The following SLC36A3 variants were observed in gnomAD, a reference collection of about 807,000 sequenced individuals.
The protein encoded by SLC36A3 is proton-coupled amino acid transporter 3.
In SLC36A3, 35 loss-of-function variants were observed where a neutral mutation model predicts 44.3. That is an observed-to-expected ratio of 0.79 (90% CI 0.60 to 1.05). The LOEUF is 1.05. SLC36A3 is among the 50% of genes least tolerant of loss of function. The probability of loss-of-function intolerance (pLI) is 0.00; values close to 1 mark genes in which losing one functional copy is unlikely to be tolerated. For missense variants in SLC36A3, 540 were observed against 578.7 expected (o/e 0.93, Z 0.69); for synonymous variants, 211 against 227.6 (o/e 0.93, Z 0.66).
chr5:151,286,403 C>T (rs192463435), intron 6 of SLC36A3, among the ~76,000 whole-genome samples: 1 of 152,282 alleles, frequency 6.6e-6, no homozygotes, highest in African/African-American at 2.4e-5. Context: ...GGTGATCCAT[C>T]CACCTCAGCT....
intron 1 of SLC36A3, among the ~76,000 whole-genome samples, chr5:151,301,250 C>G (rs1378744431): frequency 2.6e-5 from 4 of 152,096 alleles, no homozygotes; most frequent in African/African-American, 9.7e-5. Flanking sequence ...CCCTTTTTGC[C>G]TGGGGACCAT....
Position 151,277,224 on chromosome 5 carries a change from G to T in SLC36A3, c.*169C>A. ...AAAATATAAAACCAAAAGAGGTGTAGCCTGAGAGACATCAGTGCTAACTTT... is the reference window on the plus strand; with the variant it reads ...AAAATATAAAACCAAAAGAGGTGTATCCTGAGAGACATCAGTGCTAACTTT... On this transcript the variant is annotated 3_prime_UTR_variant, in exon 10 of 10. Transcript: ENST00000335230. The T allele has an allele frequency of 1.1e-6, 1 of 911,270 alleles. No individual in the cohort carries two copies. The highest frequency in any genetic ancestry group is 1.6e-6 in the Non-Finnish European group (1 of 615,944). 56.4% of individuals were successfully genotyped at this position (911,270 alleles called of 1,614,324 possible).
In SLC36A3 at chr5:151,281,070, T is replaced by C. The variant is rs927085229; in HGVS notation, c.1088A>G (p.Glu363Gly). The stretch of plus-strand genomic sequence containing the variant: ...CAGGTCTACAAACAGTGCCCAGCTC[T>C]CTGACACTTGGGAGATGGCAAACGG... The part of the protein sequence containing the change: ...IIPFAISQVS[E>G]SWALFVDLSV... The change falls in exon 9 of 10, where the codon GAG (glutamate) becomes GGG (glycine). Residue 363 changes from glutamate (E) to glycine (G), a missense_variant. Physicochemically the swap from Glu to Gly is moderately conservative, Grantham distance 98. Transcript: ENST00000335230. 1 of 1,614,166 alleles carries C rather than the reference T, an allele frequency of 6.2e-7. No homozygotes were observed. The highest frequency in any genetic ancestry group is 1.3e-5 in the African/African-American group (1 of 75,046).
At chr5:151,293,524 A>T (rs1754839885) in intron 3 of SLC36A3, 65 bp from the exon 4 acceptor site, 3 of 1,313,472 alleles carry the variant, frequency 2.3e-6, no homozygotes, top group East Asian at 2.5e-5. Context: ...GTTTTCTCCC[A>T]AAGTGAGTGA....
At position 151,284,593 on chromosome 5, in the gene SLC36A3, G is replaced by T. The variant is rs376221705; in HGVS notation, c.807+20C>A. 5 of 1,586,890 alleles carry T rather than the reference G, an allele frequency of 3.2e-6. No homozygotes were observed. The highest frequency in any genetic ancestry group is 1.7e-4 in the Middle Eastern group (1 of 5,960). On this transcript the variant is annotated intron_variant, in intron 7 of 9. Coordinates refer to ENST00000335230, the MANE Select transcript of SLC36A3 (RefSeq NM_181774.4). ...GTAGAGGGCGCTAGGGACCATTCGCGTGAACCCCATCAATCTTACCATACC... is the reference window on the plus strand; with the variant it reads ...GTAGAGGGCGCTAGGGACCATTCGCTTGAACCCCATCAATCTTACCATACC...
chr5:151,290,878 A>AAATAAT (rs34311183), intron 4 of SLC36A3, among the ~76,000 whole-genome samples: 53 of 151,002 alleles, frequency 3.5e-4, no homozygotes, highest in Middle Eastern at 3.4e-3. Context: ...CTCTGTCTCA[A>AAATAAT]AATAATAATA....
At position 151,303,541 on chromosome 5, in the gene SLC36A3, T is replaced by A. The variant is rs1755237401; in HGVS notation, c.-187A>T. 1 of 540,772 alleles carries A rather than the reference T, an allele frequency of 1.8e-6. No homozygotes were observed. The highest frequency in any genetic ancestry group is 1.9e-5 in the African/African-American group (1 of 52,854). 33.5% of individuals were successfully genotyped at this position (540,772 alleles called of 1,614,324 possible). A position where few individuals can be genotyped will look rare whatever the true frequency, so the allele number is the denominator to read the frequency against. ...AAGCGGTGGTGGCAGGAGAGGCTGA[T>A]GTTGATGATGCCTCACCTGGCTCTT... On this transcript the variant is annotated 5_prime_UTR_variant, in exon 1 of 10. Coordinates refer to ENST00000335230, the MANE Select transcript of SLC36A3 (RefSeq NM_181774.4).
At chr5:151,282,891 T>TTC (rs1561629092) in intron 8 of SLC36A3, among the ~76,000 whole-genome samples, 28 of 116,610 alleles carry the variant, frequency 2.4e-4, no homozygotes, top group African/African-American at 9.1e-4. Flanking sequence ...TCTTTCTTTT[T>TTC]TTTTTTTTTT....
rs768180844 is a variant in SLC36A3, at chr5:151,276,479, CAATT to C, written c.*910_*913del. 1.3e-5 allele frequency among the ~76,000 whole-genome samples: 2 copies of C among 152,200 alleles called. No individual in the cohort carries two copies. Among genetic ancestry groups the C allele is most frequent in the Non-Finnish European group, 2.9e-5 (2 of 68,024 alleles). ...AATATTCCATTGTATGGCTACATCA[CAATT>C]TATTTATCCATTCTCTTGTTTATAG... On this transcript the variant is annotated 3_prime_UTR_variant, in exon 10 of 10. Transcript: ENST00000335230.
chr5:151,297,953 T>A (rs1002141996), intron 2 of SLC36A3: 1 of 152,210 alleles, frequency 6.6e-6, no homozygotes, highest in African/African-American at 2.4e-5. Flanking sequence ...AGAGCGAGAC[T>A]CTGTCTCAAT....
At chr5:151,291,730 G>A (rs997070101) in intron 4 of SLC36A3, among the ~76,000 whole-genome samples, 1 of 152,078 alleles carries the variant, frequency 6.6e-6, no homozygotes, top group African/African-American at 2.4e-5. Flanking sequence ...AATATGAGAT[G>A]CTAAGATGAG....
At chr5:151,298,253 A>G (rs1014984718) in intron 2 of SLC36A3, 15 of 202,864 alleles carry the variant, frequency 7.4e-5, no homozygotes, top group Middle Eastern at 1.8e-3. Context: ...GTGGTTTGGA[A>G]CAGGAGTCAC....
intron 7 of SLC36A3, 34 bp downstream of exon 7, chr5:151,284,579 T>C: frequency 1.9e-6 from 3 of 1,544,860 alleles, no homozygotes; most frequent in Non-Finnish European, 2.7e-6. Flanking sequence ...TAGAGGGCGC[T>C]AGGGACCATT....
At chr5:151,291,013 C>T (rs1227922195) in intron 4 of SLC36A3, among the ~76,000 whole-genome samples, 22 of 150,282 alleles carry the variant, frequency 1.5e-4, no homozygotes, top group Admixed American at 1.1e-3. Flanking sequence ...GACAGATTCT[C>T]GCTCTGTTTC....
chr5:151,297,418 G>A (rs764922617), intron 2 of SLC36A3: 3 of 152,222 alleles, frequency 2.0e-5, no homozygotes, highest in African/African-American at 7.2e-5. Context: ...AAGATCAGAA[G>A]TCATGACAGA....
chr5:151,292,993 C>A (rs1019705074), intron 4 of SLC36A3, among the ~76,000 whole-genome samples: 27 of 151,866 alleles, frequency 1.8e-4, no homozygotes, highest in African/African-American at 3.9e-4. Flanking sequence ...CCTCCCCCCC[C>A]AAAAATGAGG....
intron 4 of SLC36A3, chr5:151,288,996 G>C (rs1483400642): frequency 6.5e-6 from 1 of 152,800 alleles, no homozygotes; most frequent in African/African-American, 2.4e-5. Context: ...GAAGGTGGGG[G>C]TTGCAGTGAG....
At chr5:151,280,920 G>A in intron 9 of SLC36A3, 94 bp downstream of exon 9, 1 of 1,498,400 alleles carries the variant, frequency 6.7e-7, no homozygotes, top group Non-Finnish European at 9.2e-7. Context: ...AGGTCACAAA[G>A]AAGGCAAGTG....
intron 1 of SLC36A3, among the ~76,000 whole-genome samples, chr5:151,301,696 A>G (rs1288509633): frequency 6.7e-6 from 1 of 149,010 alleles, no homozygotes; most frequent in Non-Finnish European, 1.5e-5. Flanking sequence ...GCGCCACTGC[A>G]CTCCAGCCTG....
Sources: gnomAD v4.1 joint callset for allele counts (sites outside exome capture counted in the v4.1 genomes callset) on GRCh38, gnomAD v4.1.1 for gene constraint, MANE v1.5 for transcripts, NCBI Gene and HGNC (gene_info 2026-07-23, HGNC 2026-07-21) for gene names.